The following SIGLEC1 variants were observed in gnomAD, a reference collection of about 807,000 sequenced individuals.
The protein encoded by SIGLEC1 is sialic acid binding Ig like lectin 1.
In SIGLEC1, 132 loss-of-function variants were observed where a neutral mutation model predicts 148.0. The observed-to-expected ratio is 0.89, with a 90% confidence interval of 0.77 to 1.03. The LOEUF is 1.03. Ranked by LOEUF, SIGLEC1 falls within the 50% of genes least tolerant of loss-of-function variation. SIGLEC1 has a pLI of 0.00. For missense variants in SIGLEC1, 2,253 were observed against 2,271.4 expected (o/e 0.99, Z 0.16); for synonymous variants, 945 against 969.0 (o/e 0.98, Z 0.46).
At position 3,697,944 on chromosome 20, in the gene SIGLEC1, C is replaced by G; in HGVS notation, c.1976G>C (p.Cys659Ser). 6.2e-7 allele frequency: 1 copy of G among 1,612,804 alleles called. No individual in the cohort carries two copies. Among genetic ancestry groups the G allele is most frequent in the Non-Finnish European group, 8.5e-7 (1 of 1,179,860 alleles). ...SGGGCSTCGG[C>S]SPRMKVTKAP... is the part of the protein sequence containing the mutation. The stretch of plus-strand genomic sequence containing the variant: ...TTTGGTGACCTTCATGCGTGGGGAA[C>G]AGCCCCCACAGGTGCTGCAGCCACC... The change falls in exon 9 of 22, where the codon TGT becomes TCT. Residue 659 changes from cysteine (C) to serine (S), a missense_variant. By Grantham distance (112) the Cys-to-Ser change is moderately radical (BLOSUM62 -1). Coordinates refer to ENST00000344754, the MANE Select transcript of SIGLEC1 (RefSeq NM_023068.4).
In SIGLEC1 at chr20:3,693,483, G is replaced by T; in HGVS notation, c.3472C>A (p.Pro1158Thr). 1 of 1,603,280 alleles carries T rather than the reference G, an allele frequency of 6.2e-7. No individual in the cohort carries two copies. The highest frequency in any genetic ancestry group is 8.5e-7 in the Non-Finnish European group (1 of 1,173,824). Residue 1158 changes from proline (P) to threonine (T), a missense_variant, in exon 14 of 22, where the codon CCC becomes ACC. Coordinates refer to ENST00000344754, the MANE Select transcript of SIGLEC1 (RefSeq NM_023068.4). ...AAGGTGATAGGTCTGGAGAGGCGGGGTGCCCGACCAGGGGGGCCCACACCG... is the reference window on the plus strand; with the variant it reads ...AAGGTGATAGGTCTGGAGAGGCGGGTTGCCCGACCAGGGGGGCCCACACCG... ...RCGVGPPGRA[P>T]RLSRPITLDV...
chr20:3,690,100 G>C lies in SIGLEC1; in HGVS notation c.4756C>G (p.His1586Asp), dbSNP rs2088741213. 1 of 1,611,364 alleles carries C rather than the reference G, an allele frequency of 6.2e-7. No homozygotes were observed. The highest frequency in any genetic ancestry group is 1.7e-5 in the Admixed American group (1 of 59,842). The change falls in exon 19 of 22, where the codon CAC (histidine) becomes GAC (aspartate). Residue 1586 changes from histidine (H) to aspartate (D), a missense_variant. By Grantham distance (81) the His-to-Asp change is moderately conservative (BLOSUM62 -1). Coordinates refer to ENST00000344754, the MANE Select transcript of SIGLEC1 (RefSeq NM_023068.4). ...SQPQGAPAEP[H>D]IHVLASPNAL... ...TTGGGGGAAGCCAGGACATGGATGT[G>C]TGGCTCTGCAGGAGCACCCTGGGGC... is the stretch of plus-strand genomic sequence containing the variant.
chr20:3,694,187 A>ACACG, intron 13 of SIGLEC1, 34 bp downstream of exon 13: 1 of 1,521,238 alleles, frequency 6.6e-7, no homozygotes, highest in Non-Finnish European at 8.8e-7. Flanking sequence ...ACACACACAC[A>ACACG]CACACACACA....
intron 1 of SIGLEC1, among the ~76,000 whole-genome samples, chr20:3,711,033 C>T (rs1047671840): frequency 3.3e-5 from 5 of 152,230 alleles, no homozygotes; most frequent in African/African-American, 1.2e-4. Context: ...CCCCCCGCAA[C>T]TTGGGTTGCA....
Position 3,706,434 on chromosome 20 carries a change from CG to C in SIGLEC1, c.321del (p.Glu108ArgfsTer21). ...CGGAAGTTGTAGGAACCAGAGTCCTCGGGCTGCAGGTCCTTCAGCAGCAGGT... is the reference window on the plus strand; with the variant it reads ...CGGAAGTTGTAGGAACCAGAGTCCTCGGCTGCAGGTCCTTCAGCAGCAGGT... ...VCNLLLKDLQ[P>X]EDSGSYNFRF... On this transcript the variant is annotated frameshift_variant, in exon 3 of 22. Transcript: ENST00000344754. LOFTEE classifies it high-confidence loss of function. 6.2e-7 allele frequency: 1 copy of C among 1,614,162 alleles called. No individual in the cohort carries two copies. The highest frequency in any genetic ancestry group is 8.5e-7 in the Non-Finnish European group (1 of 1,180,024).
intron 3 of SIGLEC1, 43 bp downstream of exon 3, chr20:3,706,304 G>A (rs768915823): frequency 6.4e-7 from 1 of 1,569,628 alleles, no homozygotes; most frequent in African/African-American, 1.3e-5. Flanking sequence ...GAAGCAGCTT[G>A]GGAATCCCTC....
rs370075106 is a variant in SIGLEC1 at position 3,710,043 on chromosome 20, A to G, written c.-110+2427T>C. ...ACACTTAAAGACAGTTAAAACAGTA[A>G]ATTTTACATTATGTATATTTCACCA... is the stretch of plus-strand genomic sequence containing the variant. On this transcript the variant is annotated intron_variant, in intron 1 of 21. Transcript: ENST00000344754. This position sits in a 1 kb window ranked among gnomAD's most constrained non-coding sequence, Gnocchi z 4.6. Among the ~76,000 whole-genome samples the G allele has an allele frequency of 6.6e-6, 1 of 152,206 alleles. No homozygotes were observed. The highest frequency in any genetic ancestry group is 1.9e-4 in the East Asian group (1 of 5,204).
intron 17 of SIGLEC1, 127 bp downstream of exon 17, chr20:3,691,776 A>T: frequency 7.4e-7 from 1 of 1,346,640 alleles, no homozygotes; most frequent in Non-Finnish European, 1.0e-6. Context: ...CCCCTCCACC[A>T]GATTAGGCTT....
At position 3,691,325 on chromosome 20, in the gene SIGLEC1, G is replaced by T. The variant is rs747272627; in HGVS notation, c.4591+15C>A. On this transcript the variant is annotated intron_variant, in intron 18 of 21. Coordinates refer to ENST00000344754, the MANE Select transcript of SIGLEC1 (RefSeq NM_023068.4). ...ATGTGGGGAGACTAAGGCGGAGGAGGGGGTTCACACTCACAGAGCACACGG... is the reference window on the plus strand; with the variant it reads ...ATGTGGGGAGACTAAGGCGGAGGAGTGGGTTCACACTCACAGAGCACACGG... 1 of 1,612,144 alleles carries T rather than the reference G, an allele frequency of 6.2e-7. No individual in the cohort carries two copies. The highest frequency in any genetic ancestry group is 1.1e-5 in the South Asian group (1 of 91,066).
Position 3,701,522 on chromosome 20 carries a change from G to A in SIGLEC1, c.1348C>T (p.His450Tyr). 3 of 1,614,002 alleles carry A rather than the reference G, an allele frequency of 1.9e-6. No individual in the cohort carries two copies. ...TCCCCGGAGGTGGAGGCCAGGATAT[G>A]ACCCCCATGTGACAGCACCAGTGTG... ...LATLVLSHGG[H>Y]ILASTSGDSD... Residue 450 changes from histidine (H) to tyrosine (Y), a missense_variant, in exon 7 of 22, where the codon CAT (histidine) becomes TAT (tyrosine). Physicochemically the swap from His to Tyr is moderately conservative, Grantham distance 83 (BLOSUM62 2). Coordinates refer to ENST00000344754, the MANE Select transcript of SIGLEC1 (RefSeq NM_023068.4).
intron 7 of SIGLEC1, among the ~76,000 whole-genome samples, chr20:3,700,979 G>GT (rs1476777047): frequency 9.9e-5 from 15 of 152,142 alleles, no homozygotes; most frequent in Non-Finnish European, 2.2e-4. Context: ...GATTACAGGA[G>GT]TGAGCCACCA....
At chr20:3,691,308 A>G (rs1176517822) in intron 18 of SIGLEC1, 32 bp downstream of exon 18, 2 of 1,609,402 alleles carry the variant, frequency 1.2e-6, no homozygotes, top group Non-Finnish European at 1.7e-6. Flanking sequence ...AGATGTGGGG[A>G]GACTAAGGCG....
rs766657306 is a variant in SIGLEC1 at position 3,707,170 on chromosome 20, C to T, written c.-42G>A. On this transcript the variant is annotated 5_prime_UTR_variant, in exon 2 of 22. Coordinates refer to ENST00000344754, the MANE Select transcript of SIGLEC1 (RefSeq NM_023068.4). ...GCTCCTGTTGCCTAAGAGGGTGGTGCGCACTGCGCTGGCTGGGCTCACAGG... is the reference window on the plus strand; with the variant it reads ...GCTCCTGTTGCCTAAGAGGGTGGTGTGCACTGCGCTGGCTGGGCTCACAGG... 1.0e-5 allele frequency: 16 copies of T among 1,598,426 alleles called. No individual in the cohort carries two copies. Among genetic ancestry groups the T allele is most frequent in the East Asian group, 2.2e-5 (1 of 44,750 alleles).
At chr20:3,690,819 C>CTTTTTTTTTTTTT (rs2088750847) in intron 18 of SIGLEC1, among the ~76,000 whole-genome samples, 1 of 131,510 alleles carries the variant, frequency 7.6e-6, no homozygotes, top group African/African-American at 3.3e-5. Context: ...TTTTTCTCTT[C>CTTTTTTTTTTTTT]TTTTCTTTTC....
rs150358287 is a variant in SIGLEC1 at position 3,706,494 on chromosome 20, C to G, written c.262G>C (p.Glu88Gln). 9.3e-6 allele frequency: 15 copies of G among 1,613,636 alleles called. No individual in the cohort carries two copies. ...LVEARFRGRT[E>Q]FMGNPEHRVC... is the part of the protein sequence containing the mutation. ...CTGTGCTCGGGGTTCCCCATGAACT[C>G]GGTGCGGCCGCGGAAGCGGGCCTCC... Residue 88 changes from glutamate (E) to glutamine (Q), a missense_variant, in exon 3 of 22, where the codon GAG becomes CAG. Physicochemically the swap from Glu to Gln is conservative, Grantham distance 29. Coordinates refer to ENST00000344754, the MANE Select transcript of SIGLEC1 (RefSeq NM_023068.4).
chr20:3,691,819 C>G (rs558844860), intron 17 of SIGLEC1, 84 bp downstream of exon 17: 2 of 1,463,920 alleles, frequency 1.4e-6, no homozygotes, highest in South Asian at 2.7e-5. Context: ...CCAGACAGCC[C>G]GCTCTAGTGG....
chr20:3,689,453 G>A (rs1318888761), intron 20 of SIGLEC1, 147 bp downstream of exon 20: 1 of 662,058 alleles, frequency 1.5e-6, no homozygotes, highest in Admixed American at 2.8e-5. Flanking sequence ...AATTCTAGAA[G>A]GGATTTCCAA....
In SIGLEC1 at chr20:3,688,716, G is replaced by A. The variant is rs1017501993; in HGVS notation, c.5071-97C>T. The stretch of plus-strand genomic sequence containing the variant: ...AGGTGGGGTCCCAAGAGGATTGGTG[G>A]GAGTGTGCATGGCTGGAAGTGTGAC... On this transcript the variant is annotated intron_variant, in intron 21 of 21. Coordinates refer to ENST00000344754, the MANE Select transcript of SIGLEC1 (RefSeq NM_023068.4). 10 of 933,524 alleles carry A rather than the reference G, an allele frequency of 1.1e-5. No homozygotes were observed. The African/African-American group carries it at 1.3e-4, about 13-fold the overall frequency. 57.8% of individuals were successfully genotyped at this position (933,524 alleles called of 1,614,324 possible).
Position 3,693,518 on chromosome 20 carries a change from G to A in SIGLEC1, c.3437C>T (p.Ser1146Phe), listed in dbSNP as rs1282460022. 6.2e-7 allele frequency: 1 copy of A among 1,611,608 alleles called. No homozygotes were observed. Among genetic ancestry groups the A allele is most frequent in the African/African-American group, 1.3e-5 (1 of 74,932 alleles). Residue 1146 changes from serine to phenylalanine, a missense_variant, in exon 14 of 22, where the codon TCC becomes TTC. Ser to Phe is a radical substitution (Grantham distance 155). Transcript: ENST00000344754. ...LPNVTVRDATSYRCGVGPPGR... is the reference protein window; with the variant it reads ...LPNVTVRDATFYRCGVGPPGR... The stretch of plus-strand genomic sequence containing the variant: ...AGGGGGGCCCACACCGCAGCGGTAG[G>A]AGGTGGCATCCCTGACTGTGACGTT...
Sources: allele counts gnomAD v4.1 joint callset (sites outside exome capture counted in the v4.1 genomes callset), GRCh38; gene constraint gnomAD v4.1.1; non-coding constraint Gnocchi (gnomAD v3.1); transcripts MANE v1.5; gene names NCBI Gene and HGNC (gene_info 2026-07-23, HGNC 2026-07-21).